The following ZBTB20 variants were observed in gnomAD, a reference collection of about 807,000 sequenced individuals.
ZBTB20 encodes zinc finger and BTB domain containing 20, also known as zinc finger and BTB domain-containing protein 20.
In ZBTB20, 9 loss-of-function variants were observed where a neutral mutation model predicts 56.9. The observed-to-expected ratio is 0.16, with a 90% confidence interval of 0.10 to 0.28. The LOEUF (loss-of-function observed/expected upper bound fraction) is 0.28, where lower values mean the gene tolerates loss of function less well. ZBTB20 is among the 10% of genes least tolerant of loss of function. The probability of loss-of-function intolerance (pLI) is 1.00; values close to 1 mark genes in which losing one functional copy is unlikely to be tolerated. For missense variants in ZBTB20, 655 were observed against 1,003.0 expected (o/e 0.65, Z 4.69); for synonymous variants, 417 against 420.7 (o/e 0.99, Z 0.11).
intron 1 of ZBTB20, among the ~76,000 whole-genome samples, chr3:115,109,519 GC>G (rs1334101596): frequency 6.6e-6 from 1 of 152,046 alleles, no homozygotes; most frequent in East Asian, 1.9e-4. Context: ...TCCCCCAACA[GC>G]ATTAAAAGAA....
chr3:114,817,573 A>C (rs913642876), intron 4 of ZBTB20, among the ~76,000 whole-genome samples: 13 of 151,414 alleles, frequency 8.6e-5, no homozygotes, highest in African/African-American at 1.9e-4. Context: ...ATATCTCTCT[A>C]TATATACACA....
intron 7 of ZBTB20, among the ~76,000 whole-genome samples, chr3:114,409,275 C>A (rs1250192374): frequency 1.3e-5 from 2 of 151,828 alleles, no homozygotes; most frequent in Non-Finnish European, 2.9e-5. Flanking sequence ...ACACTGTCAT[C>A]AATCAGAATG....
chr3:114,820,242 AT>A (rs1215909562), intron 4 of ZBTB20, among the ~76,000 whole-genome samples: 1 of 151,962 alleles, frequency 6.6e-6, no homozygotes, highest in Non-Finnish European at 1.5e-5. Context: ...GTTAATTAAA[AT>A]TTTTTGGTAC....
intron 5 of ZBTB20, among the ~76,000 whole-genome samples, chr3:114,705,633 G>T (rs1289179600): frequency 6.6e-6 from 1 of 152,094 alleles, no homozygotes; most frequent in African/African-American, 2.4e-5. Flanking sequence ...TCAAAATTTG[G>T]TATTTTTTTC....
chr3:114,730,041 T>G (rs1313594413), intron 5 of ZBTB20, among the ~76,000 whole-genome samples: 1 of 148,428 alleles, frequency 6.7e-6, no homozygotes, highest in Non-Finnish European at 1.5e-5. Context: ...CAAGTGATCC[T>G]CCCTCCTTGG....
At chr3:114,347,529 G>A (rs1323376043) in intron 11 of ZBTB20, among the ~76,000 whole-genome samples, 1 of 151,362 alleles carries the variant, frequency 6.6e-6, no homozygotes, top group Non-Finnish European at 1.5e-5. Context: ...AAGTTTTGAG[G>A]CTCCATTTTT....
chr3:114,713,586 G>T (rs1307655583), intron 5 of ZBTB20, among the ~76,000 whole-genome samples: 1 of 152,044 alleles, frequency 6.6e-6, no homozygotes, highest in Non-Finnish European at 1.5e-5. Flanking sequence ...AATAGTAATT[G>T]GTCTTTGGGC....
At chr3:114,831,086 T>A (rs1421695368) in intron 4 of ZBTB20, among the ~76,000 whole-genome samples, 2 of 108,486 alleles carry the variant, frequency 1.8e-5, no homozygotes, top group Non-Finnish European at 3.7e-5. Context: ...GTTTCTTTCT[T>A]CTTTTTTTTT....
At chr3:114,787,390 C>CATATATAT (rs1560250071) in intron 5 of ZBTB20, among the ~76,000 whole-genome samples, 1 of 145,384 alleles carries the variant, frequency 6.9e-6, no homozygotes, top group East Asian at 2.0e-4. Flanking sequence ...CACACACACA[C>CATATATAT]ACATATATAT....
chr3:114,499,173 T>A (rs944831019), intron 7 of ZBTB20, among the ~76,000 whole-genome samples: 7 of 152,182 alleles, frequency 4.6e-5, no homozygotes, highest in Admixed American at 2.0e-4. Context: ...AAATAGAGAA[T>A]AACAAGACTT....
chr3:114,482,869 A>G (rs955275686), intron 7 of ZBTB20, among the ~76,000 whole-genome samples: 3 of 152,210 alleles, frequency 2.0e-5, no homozygotes, highest in Non-Finnish European at 2.9e-5. Flanking sequence ...TGCCAGTGCT[A>G]TTCATTCTTT....
chr3:114,547,019 A>AT (rs1223525005), intron 6 of ZBTB20, among the ~76,000 whole-genome samples: 2 of 152,184 alleles, frequency 1.3e-5, no homozygotes, highest in African/African-American at 4.8e-5. Flanking sequence ...CTACAGGGGC[A>AT]TGGGGATGCA....
chr3:114,364,717 G>A (rs2082224945), intron 10 of ZBTB20, among the ~76,000 whole-genome samples: 1 of 152,194 alleles, frequency 6.6e-6, no homozygotes, highest in South Asian at 2.1e-4. Flanking sequence ...TATGCTCAGA[G>A]TGTATGGAAA....
At chr3:114,926,963 G>C (rs1391782302) in intron 3 of ZBTB20, among the ~76,000 whole-genome samples, 1 of 152,044 alleles carries the variant, frequency 6.6e-6, no homozygotes, top group East Asian at 1.9e-4. Flanking sequence ...GACTGGTCTT[G>C]AACTTCTGGG....
intron 5 of ZBTB20, among the ~76,000 whole-genome samples, chr3:114,771,911 A>G (rs1224596566): frequency 1.3e-5 from 2 of 152,186 alleles, no homozygotes; most frequent in Non-Finnish European, 2.9e-5. Context: ...TCCTTAGCCC[A>G]TATTACCAAC....
intron 6 of ZBTB20, among the ~76,000 whole-genome samples, chr3:114,635,831 C>T (rs1185615346): frequency 6.6e-6 from 1 of 151,836 alleles, no homozygotes; most frequent in East Asian, 1.9e-4. Context: ...AATCAATAAA[C>T]ACATTAGGGA....
intron 6 of ZBTB20, among the ~76,000 whole-genome samples, chr3:114,614,290 T>A (rs955042415): frequency 6.6e-6 from 1 of 152,196 alleles, no homozygotes; most frequent in South Asian, 2.1e-4. Context: ...AATGAGAGTA[T>A]TGGGGTAACA....
At chr3:114,683,695 G>C (rs188065922) in intron 6 of ZBTB20, among the ~76,000 whole-genome samples, 36 of 152,008 alleles carry the variant, frequency 2.4e-4, no homozygotes, top group Admixed American at 7.2e-4. Flanking sequence ...TTAAGCCCTG[G>C]GGGCTTAATG....
At chr3:114,454,550 A>G (rs1443097733) in intron 7 of ZBTB20, 3 of 151,110 alleles carry the variant, frequency 2.0e-5, no homozygotes, top group Non-Finnish European at 4.4e-5. Flanking sequence ...GTTGCGACAC[A>G]GTGATAAGGG....
Sources: allele counts gnomAD v4.1 joint callset (sites outside exome capture counted in the v4.1 genomes callset), GRCh38; gene constraint gnomAD v4.1.1; transcripts MANE v1.5; gene names NCBI Gene and HGNC (gene_info 2026-07-23, HGNC 2026-07-21).